The following RNF207 variants were observed in gnomAD, a reference collection of about 807,000 sequenced individuals.
The protein encoded by RNF207 is ring finger protein 207, also known as OTTHUMG00000001089.
Under a neutral mutation model 79.0 loss-of-function variants are expected in RNF207, and 72 were observed. That is an observed-to-expected ratio of 0.91 (90% confidence interval 0.75 to 1.11). RNF207 has a LOEUF of 1.11. Among genes scored for constraint, RNF207 ranks in the 50% least tolerant of loss-of-function variants. The pLI is 0.00. For synonymous variants in RNF207, 348 were observed against 366.2 expected (o/e 0.95, Z 0.57); for missense variants, 936 against 855.8 (o/e 1.09, Z -1.17).
chr1:6,212,509 G>A, intron 14 of RNF207, 93 bp downstream of exon 14: 1 of 1,331,572 alleles, frequency 7.5e-7, no homozygotes, highest in East Asian at 2.3e-5. Flanking sequence ...GACCTGGCCT[G>A]TACCCCACGG....
In RNF207 at chr1:6,211,012, G is replaced by A. The variant is rs772719030; in HGVS notation, c.1012-9G>A. On this transcript the variant is annotated splice_polypyrimidine_tract_variant and intron_variant, in intron 11 of 17. Transcript: ENST00000377939. The surrounding 1 kb of genome is among the most constrained non-coding windows in gnomAD (Gnocchi z 4.2). ...GGAGGCCACCTCATGACCCCATCCCGCTGCCCAGATTGCCAGTGACCACCG... is the reference window on the plus strand; with the variant it reads ...GGAGGCCACCTCATGACCCCATCCCACTGCCCAGATTGCCAGTGACCACCG... 3.5e-5 allele frequency: 57 copies of A among 1,605,934 alleles called. No homozygotes were observed. Among genetic ancestry groups the A allele is most frequent in the Non-Finnish European group, 4.3e-5 (51 of 1,176,786 alleles).
In RNF207 at chr1:6,209,358, C is replaced by G; in HGVS notation, c.627+15C>G. On this transcript the variant is annotated intron_variant, in intron 6 of 17. Coordinates refer to ENST00000377939, the MANE Select transcript of RNF207 (RefSeq NM_207396.3). The stretch of plus-strand genomic sequence containing the variant: ...AGGCGGTGCTGGTGAGCGCAGGGGC[C>G]TGGCGCGCGGGGCCGCGCGGCGGCG... 1 of 1,534,040 alleles carries G rather than the reference C, an allele frequency of 6.5e-7. No homozygotes were observed. The highest frequency in any genetic ancestry group is 8.7e-7 in the Non-Finnish European group (1 of 1,143,202).
intron 16 of RNF207, among the ~76,000 whole-genome samples, chr1:6,215,442 C>T (rs565899073): frequency 7.9e-5 from 12 of 151,266 alleles, no homozygotes; most frequent in Non-Finnish European, 1.8e-4. Flanking sequence ...GCTGGGATTA[C>T]AGGTGTTAGC....
In RNF207 at chr1:6,209,175, G is replaced by C. The variant is rs1330949104; in HGVS notation, c.530G>C (p.Arg177Pro). The change falls in exon 5 of 18, where the codon CGC becomes CCC. Residue 177 changes from arginine (R) to proline (P), a missense_variant. By Grantham distance (103) the Arg-to-Pro change is moderately radical (BLOSUM62 -2). Transcript: ENST00000377939. The stretch of plus-strand genomic sequence containing the variant: ...GACAAGAAGTTGCTGTTGTGCATCC[G>C]CTGCTTCCGCGACATGCAGAAGTGC... Reference protein sequence around the residue: ...STDKKLLLCIRCFRDMQKESR... With the variant: ...STDKKLLLCIPCFRDMQKESR... 1.0e-5 allele frequency: 16 copies of C among 1,555,880 alleles called. No homozygotes were observed. The highest frequency in any genetic ancestry group is 1.3e-5 in the Non-Finnish European group (15 of 1,149,334).
chr1:6,207,262 TG>T lies in RNF207; in HGVS notation c.192-115del. 9.6e-7 allele frequency: 1 copy of T among 1,041,778 alleles called. No individual in the cohort carries two copies. The highest frequency in any genetic ancestry group is 1.4e-6 in the Non-Finnish European group (1 of 734,864). 64.5% of individuals were successfully genotyped at this position (1,041,778 alleles called of 1,614,324 possible). A position where few individuals can be genotyped will look rare whatever the true frequency, so the allele number is the denominator to read the frequency against. ...ATATTTATAGCAGACCCCAGAGCTG[TG>T]GTGCACCCCACCTCCCAACACAGCT... On this transcript the variant is annotated intron_variant, in intron 2 of 17. Transcript: ENST00000377939. This position sits in a 1 kb window ranked among gnomAD's most constrained non-coding sequence, Gnocchi z 4.5.
In RNF207 at chr1:6,210,393, C is replaced by T. The variant is rs1450072760; in HGVS notation, c.897C>T (p.Ser299=). ...TLQVHLVICS[S]FLSLANKAEF... is the part of the protein sequence containing the mutation. Reference sequence around the variant, plus strand: ...AGGTCCACCTGGTCATCTGCTCCTCCTTCCTCAGCTTGGCCAACAAGGCTG... The same window carrying T: ...AGGTCCACCTGGTCATCTGCTCCTCTTTCCTCAGCTTGGCCAACAAGGCTG... The change falls in exon 10 of 18, where the codon TCC becomes TCT. Residue 299 remains serine, a synonymous_variant. Transcript: ENST00000377939. The T allele has an allele frequency of 2.0e-5, 33 of 1,613,660 alleles. No homozygotes were observed. Among genetic ancestry groups the T allele is most frequent in the Non-Finnish European group, 2.6e-5 (31 of 1,179,908 alleles).
chr1:6,213,221 CTT>C, intron 16 of RNF207, 38 bp downstream of exon 16: 3 of 1,352,592 alleles, frequency 2.2e-6, no homozygotes, highest in African/African-American at 1.4e-5. Context: ...CACTGAGACT[CTT>C]CAGAATGTGC....
At position 6,219,252 on chromosome 1, in the gene RNF207, G is replaced by T. The variant is rs758122509; in HGVS notation, c.1750G>T (p.Val584Phe). The T allele has an allele frequency of 6.2e-7, 1 of 1,611,042 alleles. No homozygotes were observed. The change falls in exon 18 of 18, where the codon GTC (valine) becomes TTC (phenylalanine). Residue 584 changes from valine to phenylalanine, a missense_variant. By Grantham distance (50) the Val-to-Phe change is conservative. Coordinates refer to ENST00000377939, the MANE Select transcript of RNF207 (RefSeq NM_207396.3). ...TCCCTTTAGGAATAATCCAGGAAGT[G>T]TCCCGGAAAAGAGAGAGAAGACATC... ...AASARNNPGS[V>F]PEKREKTSEP...
At chr1:6,212,206 G>A (rs376586311) in intron 13 of RNF207, 25 bp from the exon 14 acceptor site, 25 of 1,600,130 alleles carry the variant, frequency 1.6e-5, no homozygotes, top group Admixed American at 6.9e-5. Flanking sequence ...GGTGACCCAC[G>A]CTCTCACACA....
In RNF207 at chr1:6,207,769, C is replaced by T; in HGVS notation, c.324+258C>T. 1 of 661,650 alleles carries T rather than the reference C, an allele frequency of 1.5e-6. No homozygotes were observed. The allele number at this position is 661,650 out of a possible 1,614,324, so 41.0% of individuals were successfully genotyped here. On this transcript the variant is annotated intron_variant, in intron 3 of 17. Transcript: ENST00000377939. This position sits in a 1 kb window ranked among gnomAD's most constrained non-coding sequence, Gnocchi z 4.5. The stretch of plus-strand genomic sequence containing the variant: ...TCGATCTGGGGAGAGCTCACTGGTC[C>T]CCAATTCAGGGTGGAGTTGTGGACC...
chr1:6,211,160 C>CCCCAGTGT lies in RNF207; in HGVS notation c.1109+42_1109+43insCCCAGTGT. 4.3e-6 allele frequency: 6 copies of CCCCAGTGT among 1,404,550 alleles called. No individual in the cohort carries two copies. The highest frequency in any genetic ancestry group is 4.8e-6 in the Non-Finnish European group (5 of 1,031,084). The allele number at this position is 1,404,550 out of a possible 1,614,324, so 87.0% of individuals were successfully genotyped here. A position where few individuals can be genotyped will look rare whatever the true frequency, so the allele number is the denominator to read the frequency against. On this transcript the variant is annotated intron_variant, in intron 12 of 17. Coordinates refer to ENST00000377939, the MANE Select transcript of RNF207 (RefSeq NM_207396.3). This position sits in a 1 kb window ranked among gnomAD's most constrained non-coding sequence, Gnocchi z 4.2. ...GAGGCCAGGCACAAGGTCCCCAACA[C>CCCCAGTGT]TGGGGTGTGGGGGAGGGTGGGCGCT...
rs1205231048 is a variant in RNF207, at chr1:6,210,879, G to A, written c.952G>A (p.Glu318Lys). The A allele has an allele frequency of 1.9e-6, 3 of 1,601,372 alleles. No individual in the cohort carries two copies. Among genetic ancestry groups the A allele is most frequent in the Non-Finnish European group, 8.5e-7 (1 of 1,175,194 alleles). ...EFLDLGYELM[E>K]RLQGIVTRPH... Reference sequence around the variant, plus strand: ...CTCCTCACTGCCACAGGAGCTGATGGAGAGGCTGCAGGGCATCGTCACGCG... The same window carrying A: ...CTCCTCACTGCCACAGGAGCTGATGAAGAGGCTGCAGGGCATCGTCACGCG... Residue 318 changes from glutamate to lysine, a missense_variant, in exon 11 of 18, where the codon GAG (glutamate) becomes AAG (lysine). Transcript: ENST00000377939.
chr1:6,219,797 G>A lies in RNF207; in HGVS notation c.*390G>A, dbSNP rs1206809546. 6.7e-6 allele frequency: 1 copy of A among 150,004 alleles called. No homozygotes were observed. Among genetic ancestry groups the A allele is most frequent in the Non-Finnish European group, 1.5e-5 (1 of 68,066 alleles). The allele number at this position is 150,004 out of a possible 1,614,324, so 9.3% of individuals were successfully genotyped here. On this transcript the variant is annotated 3_prime_UTR_variant, in exon 18 of 18. Transcript: ENST00000377939. Reference sequence around the variant, plus strand: ...GGGTGAGTCACCGCGCCTGGCCAATGTTGTTGTTGTTTTTAAGACAGAATT... The same window carrying A: ...GGGTGAGTCACCGCGCCTGGCCAATATTGTTGTTGTTTTTAAGACAGAATT...
chr1:6,212,453 G>C, intron 14 of RNF207, 37 bp downstream of exon 14: 5 of 1,564,016 alleles, frequency 3.2e-6, no homozygotes, highest in Non-Finnish European at 4.4e-6. Flanking sequence ...AGCCCCACCT[G>C]TCAGGGGATA....
At chr1:6,213,021 G>C in intron 15 of RNF207, 45 bp from the exon 16 acceptor site, 1 of 1,284,790 alleles carries the variant, frequency 7.8e-7, no homozygotes, top group Non-Finnish European at 1.1e-6. Context: ...TCTGAAGCCA[G>C]ATGCTTCAGG....
chr1:6,219,305 G>C lies in RNF207; in HGVS notation c.1803G>C (p.Pro601=), dbSNP rs200559791. ...AGCCTAAAGGAAACAGCTGGGCTCC[G>C]AACGGCCTCTCAGAAGAGCCTCTAC... ...TSEPKGNSWA[P]NGLSEEPLLK... Residue 601 remains proline, a synonymous_variant, in exon 18 of 18, where the codon CCG becomes CCC. Transcript: ENST00000377939. 7.9e-5 allele frequency: 127 copies of C among 1,613,566 alleles called. 1 individual carries two copies. In the East Asian group the frequency reaches 2.0e-3, roughly 25 times the overall value.
rs1668137054 is a variant in RNF207 at position 6,210,914 on chromosome 1, C to T, written c.987C>T (p.His329=). Residue 329 remains histidine (H), a synonymous_variant, in exon 11 of 18, where the codon CAC becomes CAT. Coordinates refer to ENST00000377939, the MANE Select transcript of RNF207 (RefSeq NM_207396.3). ...RLQGIVTRPH[H]LRPIQSSKIA... is the part of the protein sequence containing the mutation. ...AGGGCATCGTCACGCGGCCGCACCA[C>T]CTAAGGCCTATTCAGAGCAGCAAGG... The T allele has an allele frequency of 1.9e-6, 3 of 1,606,732 alleles. No homozygotes were observed. Among genetic ancestry groups the T allele is most frequent in the Non-Finnish European group, 2.5e-6 (3 of 1,177,510 alleles).
Position 6,208,865 on chromosome 1 carries a change from C to G in RNF207, c.325-16C>G, listed in dbSNP as rs556596119. On this transcript the variant is annotated splice_polypyrimidine_tract_variant and intron_variant, in intron 3 of 17. Coordinates refer to ENST00000377939, the MANE Select transcript of RNF207 (RefSeq NM_207396.3). ...GGTCGGGCTCTGGCGCTCCTGAGCC[C>G]GCGCTCGGCCCGCAGGACGTGGAGA... The G allele has an allele frequency of 8.7e-4, 1,318 of 1,522,440 alleles. 4 individuals are homozygous for G. The Middle Eastern group carries it at 0.014, about 17-fold the overall frequency. 94.3% of individuals were successfully genotyped at this position (1,522,440 alleles called of 1,614,324 possible).
Position 6,213,141 on chromosome 1 carries a change from A to G in RNF207, c.1610A>G (p.Tyr537Cys). ...LTTITKQITP[Y>C]VRSIAKVKER... ...ACCATCACCAAGCAGATCACGCCCTACGTCCGCTCCATTGCCAAGGTGAAG... is the reference window on the plus strand; with the variant it reads ...ACCATCACCAAGCAGATCACGCCCTGCGTCCGCTCCATTGCCAAGGTGAAG... Residue 537 changes from tyrosine to cysteine, a missense_variant, in exon 16 of 18, where the codon TAC becomes TGC. Transcript: ENST00000377939. 2 of 1,613,234 alleles carry G rather than the reference A, an allele frequency of 1.2e-6. No individual in the cohort carries two copies. The highest frequency in any genetic ancestry group is 2.2e-5 in the East Asian group (1 of 44,816).
Sources: allele counts gnomAD v4.1 joint callset (sites outside exome capture counted in the v4.1 genomes callset), GRCh38; gene constraint gnomAD v4.1.1; non-coding constraint Gnocchi (gnomAD v3.1); transcripts MANE v1.5; gene names NCBI Gene and HGNC (gene_info 2026-07-23, HGNC 2026-07-21).